The following PNOC variants were observed in gnomAD, a reference collection of about 807,000 sequenced individuals.
PNOC encodes the protein prepronociceptin, also known as nociceptin.
A neutral mutation model predicts 15.6 loss-of-function variants in PNOC; 10 were observed. That is an observed-to-expected ratio of 0.64 (90% CI 0.40 to 1.09). The LOEUF (loss-of-function observed/expected upper bound fraction) is 1.09, where lower values mean the gene tolerates loss of function less well. Ranked by LOEUF, PNOC falls within the 50% of genes least tolerant of loss-of-function variation. The pLI is 0.01. For missense variants in PNOC, 220 were observed against 223.9 expected (o/e 0.98, Z 0.11); for synonymous variants, 98 against 88.5 (o/e 1.11, Z -0.60).
intron 3 of PNOC, among the ~76,000 whole-genome samples, chr8:28,340,892 C>G (rs1446282052): frequency 6.6e-6 from 1 of 152,200 alleles, no homozygotes; most frequent in Admixed American, 6.5e-5. Flanking sequence ...ACCCCCATGA[C>G]CCAAACACCA....
chr8:28,337,622 G>A (rs1425073415), intron 2 of PNOC, among the ~76,000 whole-genome samples: 4 of 125,940 alleles, frequency 3.2e-5, no homozygotes, highest in African/African-American at 9.0e-5. Flanking sequence ...TCGTTCTGTC[G>A]CCCAGCGTCA....
At chr8:28,340,326 A>G (rs186291279) in intron 3 of PNOC, 1 of 152,144 alleles carries the variant, frequency 6.6e-6, no homozygotes, top group Non-Finnish European at 1.5e-5. Context: ...CTCTGTTCCT[A>G]TACCCACAGG....
chr8:28,339,357 GTTCA>G lies in PNOC; in HGVS notation c.445_448del (p.Phe149ValfsTer4). On this transcript the variant is annotated frameshift_variant, in exon 3 of 4. Coordinates refer to ENST00000301908, the MANE Select transcript of PNOC (RefSeq NM_006228.5). LOFTEE classifies it high-confidence loss of function. ...CCAGGAAGTTGGCCAATCAGAAGCG[GTTCA>G]GTGAGTTTATGAGGCAATACTTGGT... The G allele has an allele frequency of 6.2e-7, 1 of 1,607,972 alleles. No homozygotes were observed. The highest frequency in any genetic ancestry group is 8.5e-7 in the Non-Finnish European group (1 of 1,176,130).
chr8:28,332,571 G>GA (rs750225494), intron 2 of PNOC, among the ~76,000 whole-genome samples: 1 of 152,156 alleles, frequency 6.6e-6, no homozygotes, highest in Non-Finnish European at 1.5e-5. Context: ...AGCTCAAGGA[G>GA]AAAAAACTGG....
chr8:28,320,021 C>G (rs892806093), intron 1 of PNOC, among the ~76,000 whole-genome samples: 3 of 142,656 alleles, frequency 2.1e-5, no homozygotes, highest in Middle Eastern at 7.5e-3. Flanking sequence ...GGATAGGCTA[C>G]AATTAGTTTC....
At chr8:28,323,385 C>T (rs966638572) in intron 1 of PNOC, among the ~76,000 whole-genome samples, 4 of 152,216 alleles carry the variant, frequency 2.6e-5, no homozygotes, top group Non-Finnish European at 4.4e-5. Context: ...ATTCAGCCTA[C>T]TCAGGTAACT....
intron 1 of PNOC, among the ~76,000 whole-genome samples, chr8:28,319,544 T>G (rs949656948): frequency 1.3e-5 from 2 of 152,186 alleles, no homozygotes; most frequent in African/African-American, 4.8e-5. Context: ...TTAACATTTC[T>G]TGAAACCCAC....
intron 2 of PNOC, among the ~76,000 whole-genome samples, chr8:28,332,547 G>A (rs1327990456): frequency 2.0e-5 from 3 of 152,136 alleles, no homozygotes; most frequent in Non-Finnish European, 4.4e-5. Context: ...ATTGTGAATG[G>A]TACTTACTTC....
intron 1 of PNOC, among the ~76,000 whole-genome samples, chr8:28,317,977 G>A (rs540051120): frequency 4.3e-4 from 66 of 152,108 alleles, no homozygotes; most frequent in Non-Finnish European, 8.7e-4. Context: ...TTCTACGGGC[G>A]TGACCTTGGT....
intron 2 of PNOC, among the ~76,000 whole-genome samples, chr8:28,331,661 C>G (rs1325914701): frequency 2.0e-5 from 3 of 152,152 alleles, no homozygotes; most frequent in Non-Finnish European, 2.9e-5. Flanking sequence ...CCTGCCACAG[C>G]CTCCTCCCCC....
intron 1 of PNOC, among the ~76,000 whole-genome samples, chr8:28,326,480 C>G (rs556375631): frequency 5.9e-5 from 9 of 152,300 alleles, no homozygotes; most frequent in Non-Finnish European, 1.0e-4. Flanking sequence ...GCAGGTCCCT[C>G]CTTTGTTCAC....
At chr8:28,320,309 T>A (rs1454100846) in intron 1 of PNOC, among the ~76,000 whole-genome samples, 1 of 151,668 alleles carries the variant, frequency 6.6e-6, no homozygotes, top group Non-Finnish European at 1.5e-5. Flanking sequence ...CCTTCCCCAT[T>A]CATCCTTTCA....
intron 2 of PNOC, among the ~76,000 whole-genome samples, chr8:28,330,396 A>ATTTTATTTTATTTTTTTTTTT (rs377288105): frequency 2.5e-5 from 2 of 80,414 alleles, no homozygotes; most frequent in African/African-American, 3.9e-5. Context: ...ATTTTATTTT[A>ATTTTATTTTATTTTTTTTTTT]TTTTTTTTTT....
chr8:28,331,281 A>G (rs1801325994), intron 2 of PNOC, among the ~76,000 whole-genome samples: 1 of 152,190 alleles, frequency 6.6e-6, no homozygotes, highest in Non-Finnish European at 1.5e-5. Flanking sequence ...TTAAGTGGTT[A>G]CAGTAAATGT....
chr8:28,332,594 G>A (rs1801345033), intron 2 of PNOC, among the ~76,000 whole-genome samples: 1 of 152,162 alleles, frequency 6.6e-6, no homozygotes, highest in Non-Finnish European at 1.5e-5. Flanking sequence ...TCACTGAGTT[G>A]TTTTAGAGAC....
chr8:28,330,400 T>TATTTTTTTATTTTTTTTTA (rs1431540071), intron 2 of PNOC, among the ~76,000 whole-genome samples: 5 of 102,228 alleles, frequency 4.9e-5, no homozygotes, highest in Non-Finnish European at 6.1e-5. Context: ...TATTTTATTT[T>TATTTTTTTATTTTTTTTTA]TTTTTTTTTT....
intron 1 of PNOC, among the ~76,000 whole-genome samples, chr8:28,320,310 C>G (rs1251524647): frequency 6.6e-6 from 1 of 151,722 alleles, no homozygotes; most frequent in Non-Finnish European, 1.5e-5. Flanking sequence ...CTTCCCCATT[C>G]ATCCTTTCAT....
intron 2 of PNOC, among the ~76,000 whole-genome samples, chr8:28,333,530 T>C (rs952649860): frequency 1.3e-5 from 2 of 152,220 alleles, no homozygotes; most frequent in African/African-American, 4.8e-5. Context: ...GCGTTGTGAA[T>C]TTAGCTTCCT....
At chr8:28,320,664 C>A (rs1439719669) in intron 1 of PNOC, among the ~76,000 whole-genome samples, 1 of 151,866 alleles carries the variant, frequency 6.6e-6, no homozygotes, top group African/African-American at 2.4e-5. Flanking sequence ...TCCCGGCTAA[C>A]ACGGTGAAAC....
Sources: allele counts gnomAD v4.1 joint callset (sites outside exome capture counted in the v4.1 genomes callset), GRCh38; gene constraint gnomAD v4.1.1; transcripts MANE v1.5; gene names NCBI Gene and HGNC (gene_info 2026-07-23, HGNC 2026-07-21).